Variants in PIP4K2A observed in about 807,000 individuals in gnomAD.
The protein encoded by PIP4K2A is phosphatidylinositol-5-phosphate 4-kinase type 2 alpha, also known as phosphatidylinositol 5-phosphate 4-kinase type-2 alpha.
PIP4K2A carries 14 observed loss-of-function variants against 42.9 expected under a neutral mutation model. The observed-to-expected ratio is 0.33, with a 90% CI of 0.22 to 0.51. The LOEUF is 0.51. Ranked by LOEUF, PIP4K2A falls within the 20% of genes least tolerant of loss-of-function variation. The pLI is 0.97. For synonymous variants in PIP4K2A, 192 were observed against 192.2 expected (o/e 1.00, Z 0.01); for missense variants, 434 against 519.8 (o/e 0.83, Z 1.61).
At chr10:22,635,751 A>T (rs770145325) in intron 1 of PIP4K2A, among the ~76,000 whole-genome samples, 16 of 152,196 alleles carry the variant, frequency 1.1e-4, no homozygotes, top group Non-Finnish European at 2.4e-4. Context: ...GTGGAATATA[A>T]TTTGAAGCAA....
intron 6 of PIP4K2A, among the ~76,000 whole-genome samples, chr10:22,563,882 G>A (rs924676075): frequency 7.2e-5 from 11 of 152,344 alleles, no homozygotes; most frequent in African/African-American, 2.4e-4. Context: ...CATATAGTTT[G>A]TACTCAACCA....
intron 7 of PIP4K2A, among the ~76,000 whole-genome samples, chr10:22,542,926 A>G (rs1836160427): frequency 6.6e-6 from 1 of 151,996 alleles, no homozygotes; most frequent in Non-Finnish European, 1.5e-5. Context: ...TTCCACTCCG[A>G]CCTTGGGCTC....
At chr10:22,539,601 C>A in intron 9 of PIP4K2A, 1 of 186,194 alleles carries the variant, frequency 5.4e-6, no homozygotes, top group Non-Finnish European at 1.1e-5. Flanking sequence ...ATTTTTCAAA[C>A]AAAAAAGAAT....
chr10:22,644,236 C>G (rs985588366), intron 1 of PIP4K2A, among the ~76,000 whole-genome samples: 1 of 152,164 alleles, frequency 6.6e-6, no homozygotes, highest in African/African-American at 2.4e-5. Context: ...TGACTCCCCT[C>G]TCACCCTGCA....
intron 6 of PIP4K2A, among the ~76,000 whole-genome samples, chr10:22,561,324 G>T (rs910161490): frequency 6.6e-6 from 1 of 152,050 alleles, no homozygotes; most frequent in Non-Finnish European, 1.5e-5. Flanking sequence ...ATTTCCTTCA[G>T]TTCCATCTTC....
intron 1 of PIP4K2A, among the ~76,000 whole-genome samples, chr10:22,692,803 T>C (rs186904087): frequency 1.6e-4 from 24 of 152,306 alleles, no homozygotes; most frequent in African/African-American, 5.8e-4. Context: ...GTAACTATGG[T>C]ATAGGAATCT....
intron 1 of PIP4K2A, among the ~76,000 whole-genome samples, chr10:22,623,137 A>T (rs556204643): frequency 6.6e-6 from 1 of 152,324 alleles, no homozygotes; most frequent in African/African-American, 2.4e-5. Context: ...AGCGAGATAG[A>T]GATGCGTTTA....
chr10:22,541,500 C>G lies in PIP4K2A; in HGVS notation c.1036+304G>C, dbSNP rs149312510. On this transcript the variant is annotated intron_variant, in intron 8 of 9. Transcript: ENST00000376573. The stretch of plus-strand genomic sequence containing the variant: ...ACATGCATGTTGTGTTGTGTGTGCA[C>G]GTACGTTGTATGCCAGTGTGTATGT... Among the ~76,000 whole-genome samples, 3 of 152,282 alleles carry G rather than the reference C, an allele frequency of 2.0e-5. No individual in the cohort carries two copies. The South Asian group carries it at 6.2e-4, about 32-fold the overall frequency.
chr10:22,540,213 A>G, intron 8 of PIP4K2A, 139 bp from the exon 9 acceptor site: 1 of 650,884 alleles, frequency 1.5e-6, no homozygotes, highest in Non-Finnish European at 2.8e-6. Context: ...GTCCAGAGAC[A>G]AACTCTACAC....
In PIP4K2A at chr10:22,609,721, G is replaced by C; in HGVS notation, c.145-4C>G. On this transcript the variant is annotated splice_region_variant and splice_polypyrimidine_tract_variant and intron_variant, in intron 1 of 9. Coordinates refer to ENST00000376573, the MANE Select transcript of PIP4K2A (RefSeq NM_005028.5). ...GAACATGGCTCAGTTCATTGATCTGGAAAAATATAAAATAAATAGCATGGG... is the reference window on the plus strand; with the variant it reads ...GAACATGGCTCAGTTCATTGATCTGCAAAAATATAAAATAAATAGCATGGG... The C allele has an allele frequency of 6.4e-7, 1 of 1,561,334 alleles. No homozygotes were observed.
intron 5 of PIP4K2A, among the ~76,000 whole-genome samples, chr10:22,569,717 C>T (rs1202210103): frequency 6.6e-6 from 1 of 151,978 alleles, no homozygotes; most frequent in African/African-American, 2.4e-5. Flanking sequence ...TATAATCCAC[C>T]CTGCTTCTGA....
In PIP4K2A at chr10:22,658,268, A is replaced by G. The variant is rs76841234; in HGVS notation, c.145-48551T>C. On this transcript the variant is annotated intron_variant, in intron 1 of 9. Transcript: ENST00000376573. ...GTTAACAGTTAACAAAAGGAGACTA[A>G]AAGTGTTGAATGTGACATAAACTGA... is the stretch of plus-strand genomic sequence containing the variant. Among the ~76,000 whole-genome samples, 259 of 152,366 alleles carry G rather than the reference A, an allele frequency of 1.7e-3. 2 individuals carry two copies. The highest frequency in any genetic ancestry group is 6.0e-3 in the African/African-American group (251 of 41,590).
intron 1 of PIP4K2A, among the ~76,000 whole-genome samples, chr10:22,653,789 G>A (rs1040858313): frequency 1.4e-4 from 21 of 152,128 alleles, no homozygotes; most frequent in African/African-American, 4.6e-4. Flanking sequence ...CAGGAGAATC[G>A]CATGAATCCA....
chr10:22,601,546 T>C (rs1320033712), intron 3 of PIP4K2A, among the ~76,000 whole-genome samples: 1 of 152,116 alleles, frequency 6.6e-6, no homozygotes, highest in Admixed American at 6.5e-5. Flanking sequence ...AGCTAACCTG[T>C]GAGGACAAAT....
intron 1 of PIP4K2A, among the ~76,000 whole-genome samples, chr10:22,657,818 T>C (rs1839130810): frequency 6.6e-6 from 1 of 152,206 alleles, no homozygotes; most frequent in South Asian, 2.1e-4. Context: ...TTAGAGACAG[T>C]AAATAAGAAC....
At chr10:22,635,242 C>T (rs1229208628) in intron 1 of PIP4K2A, among the ~76,000 whole-genome samples, 1 of 152,126 alleles carries the variant, frequency 6.6e-6, no homozygotes, top group Non-Finnish European at 1.5e-5. Flanking sequence ...CAACTGTGAA[C>T]TGTGGTTGAC....
chr10:22,658,920 T>G (rs1223922386), intron 1 of PIP4K2A, among the ~76,000 whole-genome samples: 1 of 152,178 alleles, frequency 6.6e-6, no homozygotes, highest in Admixed American at 6.5e-5. Context: ...GCCTGGAGCT[T>G]TACACATCTT....
chr10:22,607,523 T>C (rs1032491620), intron 3 of PIP4K2A, among the ~76,000 whole-genome samples: 2 of 152,024 alleles, frequency 1.3e-5, no homozygotes, highest in South Asian at 4.1e-4. Flanking sequence ...ATCAGCAAGA[T>C]AAAGATTCCT....
chr10:22,569,900 C>T (rs1280176806), intron 5 of PIP4K2A, among the ~76,000 whole-genome samples: 1 of 152,068 alleles, frequency 6.6e-6, no homozygotes, highest in Non-Finnish European at 1.5e-5. Context: ...GGTTCCATCA[C>T]AACTGAGAGC....
Sources: allele counts gnomAD v4.1 joint callset (sites outside exome capture counted in the v4.1 genomes callset), GRCh38; gene constraint gnomAD v4.1.1; transcripts MANE v1.5; gene names NCBI Gene and HGNC (gene_info 2026-07-23, HGNC 2026-07-21).